COL5A1: variants seen among roughly 807,000 people sequenced by gnomAD.
COL5A1 encodes collagen type V alpha 1 chain.
Under a neutral mutation model 263.7 loss-of-function variants are expected in COL5A1, and 16 were observed. That is an observed-to-expected ratio of 0.06 (90% CI 0.04 to 0.09). The LOEUF is 0.09. Ranked by LOEUF, COL5A1 falls within the 10% of genes least tolerant of loss-of-function variation. The pLI is 1.00. For synonymous variants in COL5A1, 1,012 were observed against 1,004.5 expected, an observed-to-expected ratio of 1.01 and a Z score of -0.14; for missense variants, 2,036 against 2,540.5, an observed-to-expected ratio of 0.80 and a Z score of 4.27.
chr9:134,658,927 G>T (rs1043077909), intron 1 of COL5A1, among the ~76,000 whole-genome samples: 2 of 152,216 alleles, frequency 1.3e-5, no homozygotes, highest in African/African-American at 4.8e-5. Context: ...TTCTCTGCAG[G>T]TGAAGAGTAG....
rs939515098 is a variant in COL5A1, at chr9:134,761,869, A to G, written c.1936-56A>G. ...AGAGAAAAACAAAGTGGGACCTTGG[A>G]CAAGCCCTGCATGACCTGCTCAGGA... On this transcript the variant is annotated intron_variant, in intron 18 of 65. Transcript: ENST00000371817. 1.9e-6 allele frequency: 3 copies of G among 1,556,094 alleles called. No individual in the cohort carries two copies. The African/African-American group carries it at 4.1e-5, about 21-fold the overall frequency.
intron 59 of COL5A1, 120 bp from the exon 60 acceptor site, chr9:134,822,878 T>C (rs908123691): frequency 2.6e-5 from 29 of 1,128,146 alleles, no homozygotes; most frequent in Non-Finnish European, 3.7e-5. Context: ...GCATAGACTC[T>C]TGAGGGGGAT....
At chr9:134,776,579 G>C (rs1253343514) in intron 27 of COL5A1, among the ~76,000 whole-genome samples, 1 of 152,226 alleles carries the variant, frequency 6.6e-6, no homozygotes, top group Admixed American at 6.5e-5. Context: ...TTTGGCCCGG[G>C]TGGCAGTGAT....
chr9:134,837,012 G>A lies in COL5A1; in HGVS notation c.5370+1808G>A, dbSNP rs540338634. 3.3e-5 allele frequency among the ~76,000 whole-genome samples: 5 copies of A among 152,322 alleles called. No individual in the cohort carries two copies. The East Asian group carries it at 5.8e-4, about 18-fold the overall frequency. On this transcript the variant is annotated intron_variant, in intron 65 of 65. Transcript: ENST00000371817. ...GACCTTACCCGTCCTCCCCAAATGA[G>A]TATAACATAGCACCTGCCTCACAGG...
rs1836631304 is a variant in COL5A1, at chr9:134,765,575, C to G, written c.2035-106C>G. On this transcript the variant is annotated intron_variant, in intron 20 of 65. Transcript: ENST00000371817. The surrounding 1 kb of genome is among the most constrained non-coding windows in gnomAD (Gnocchi z 5.1). ...TGGGAGGCCAGGAGGCCTGAGTCAC[C>G]AGCTGGGGTTCTGGGTGGAGTCAGG... 9.9e-7 allele frequency: 1 copy of G among 1,012,968 alleles called. No homozygotes were observed. The highest frequency in any genetic ancestry group is 1.8e-5 in the Admixed American group (1 of 56,250). The allele number at this position is 1,012,968 out of a possible 1,614,324, so 62.7% of individuals were successfully genotyped here.
At position 134,794,773 on chromosome 9, in the gene COL5A1, G is replaced by A. The variant is rs1837834576; in HGVS notation, c.2701-309G>A. On this transcript the variant is annotated intron_variant, in intron 32 of 65. Transcript: ENST00000371817. The surrounding 1 kb of genome is among the most constrained non-coding windows in gnomAD (Gnocchi z 4.3). ...GAGGGGAAGGAGGGAGGAAGGAGGA[G>A]GAGGGATGTAGCGGTGCTCTGAGGA... Among the ~76,000 whole-genome samples, 1 of 152,146 alleles carries A rather than the reference G, an allele frequency of 6.6e-6. No individual in the cohort carries two copies. Among genetic ancestry groups the A allele is most frequent in the Non-Finnish European group, 1.5e-5 (1 of 68,024 alleles).
intron 32 of COL5A1, among the ~76,000 whole-genome samples, chr9:134,792,697 C>T (rs988811558): frequency 7.9e-5 from 12 of 152,170 alleles, no homozygotes; most frequent in African/African-American, 2.7e-4. Context: ...TTAGATATTC[C>T]GGCCAGATGG....
In COL5A1 at chr9:134,671,898, T is replaced by TTTG. The variant is rs1832550102; in HGVS notation, c.110-19012_110-19010dup. Among the ~76,000 whole-genome samples the TTTG allele has an allele frequency of 2.0e-5, 3 of 152,228 alleles. No homozygotes were observed. In the South Asian group the frequency reaches 6.2e-4, roughly 32 times the overall value. Reference sequence around the variant, plus strand: ...AATGAGCCAACAGGCGCGTTTGTCTTTTGTCCACATTCCACAGTTTTGTCT... The same window carrying TTTG: ...AATGAGCCAACAGGCGCGTTTGTCTTTTGTTGTCCACATTCCACAGTTTTGTCT... On this transcript the variant is annotated intron_variant, in intron 1 of 65. Coordinates refer to ENST00000371817, the MANE Select transcript of COL5A1 (RefSeq NM_000093.5).
At chr9:134,764,202 G>T (rs1287819995) in intron 20 of COL5A1, among the ~76,000 whole-genome samples, 5 of 135,964 alleles carry the variant, frequency 3.7e-5, no homozygotes, top group Admixed American at 7.3e-5. Flanking sequence ...TGGGGGGTCT[G>T]AGAGCATTGT....
At position 134,823,496 on chromosome 9, in the gene COL5A1, C is replaced by T. The variant is rs781132017; in HGVS notation, c.4698+27C>T. 39 of 1,612,618 alleles carry T rather than the reference C, an allele frequency of 2.4e-5. 1 individual carries two copies. The highest frequency in any genetic ancestry group is 2.2e-4 in the Admixed American group (13 of 59,994). On this transcript the variant is annotated intron_variant, in intron 61 of 65. Transcript: ENST00000371817. ...TAAGTAGCCCTTGAAGCCCAGAAAG[C>T]GGGACGGGGGCTCTGGCTAGCTCCG... is the stretch of plus-strand genomic sequence containing the variant.
Position 134,842,500 on chromosome 9 carries a change from C to A in COL5A1, c.*197C>A, listed in dbSNP as rs1830137612. The A allele has an allele frequency of 1.5e-6, 1 of 665,374 alleles. No individual in the cohort carries two copies. Among genetic ancestry groups the A allele is most frequent in the Non-Finnish European group, 2.6e-6 (1 of 385,578 alleles). The allele number at this position is 665,374 out of a possible 1,614,324, so 41.2% of individuals were successfully genotyped here. On this transcript the variant is annotated 3_prime_UTR_variant, in exon 66 of 66. Coordinates refer to ENST00000371817, the MANE Select transcript of COL5A1 (RefSeq NM_000093.5). This position sits in a 1 kb window ranked among gnomAD's most constrained non-coding sequence, Gnocchi z 5.8. Reference sequence around the variant, plus strand: ...ACAGAGGGAAGGAGCCGCGCCCCCACCTGGAGCTGAATCACATGACCTAGC... The same window carrying A: ...ACAGAGGGAAGGAGCCGCGCCCCCAACTGGAGCTGAATCACATGACCTAGC...
intron 4 of COL5A1, among the ~76,000 whole-genome samples, chr9:134,702,642 C>T (rs983728942): frequency 6.6e-6 from 1 of 152,222 alleles, no homozygotes; most frequent in South Asian, 2.1e-4. Flanking sequence ...GACCCTGGGG[C>T]TTTGAGCGTG....
At chr9:134,737,671 C>A (rs1361046589) in intron 9 of COL5A1, among the ~76,000 whole-genome samples, 1 of 152,100 alleles carries the variant, frequency 6.6e-6, no homozygotes, top group Admixed American at 6.5e-5. Context: ...GGGAAGGGGT[C>A]GGAAGTGGGG....
intron 24 of COL5A1, among the ~76,000 whole-genome samples, chr9:134,768,137 A>G (rs1056906332): frequency 1.3e-5 from 2 of 152,178 alleles, no homozygotes; most frequent in East Asian, 1.9e-4. Flanking sequence ...GGGCCCCAGT[A>G]TGCAGCAGGT....
chr9:134,836,389 G>A (rs1230498460), intron 65 of COL5A1, among the ~76,000 whole-genome samples: 1 of 152,146 alleles, frequency 6.6e-6, no homozygotes, highest in East Asian at 1.9e-4. Flanking sequence ...GCAGCACCAA[G>A]CCCCGTGACC....
chr9:134,751,195 TGTCACTGTCCAGTAGGGACCCC>T (rs1250688366), intron 13 of COL5A1, among the ~76,000 whole-genome samples: 26 of 151,364 alleles, frequency 1.7e-4, no homozygotes, highest in Admixed American at 3.3e-4. Flanking sequence ...CCCGAGAGCG[TGTCACTGTCCAGTAGGGACCCC>T]GAGAGCGTGT....
intron 2 of COL5A1, 42 bp from the exon 3 acceptor site, chr9:134,699,867 G>T: frequency 6.3e-7 from 1 of 1,597,422 alleles, no homozygotes; most frequent in South Asian, 1.1e-5. Context: ...TGTGGTTGCA[G>T]GGGCTCCCCG....
At chr9:134,828,152 C>A (rs1306880745) in intron 63 of COL5A1, among the ~76,000 whole-genome samples, 4 of 152,180 alleles carry the variant, frequency 2.6e-5, no homozygotes, top group Admixed American at 2.6e-4. Flanking sequence ...GCAGCCGGGG[C>A]TCCCCTTGTC....
In COL5A1 at chr9:134,681,863, C is replaced by T. The variant is rs1832868547; in HGVS notation, c.110-9049C>T. ...TGGGGCCTGCAGAAACCTCCCCTCTCTTCCTCGCTCTTCCTCTCTTTCTCT... is the reference window on the plus strand; with the variant it reads ...TGGGGCCTGCAGAAACCTCCCCTCTTTTCCTCGCTCTTCCTCTCTTTCTCT... On this transcript the variant is annotated intron_variant, in intron 1 of 65. Transcript: ENST00000371817. This position sits in a 1 kb window ranked among gnomAD's most constrained non-coding sequence, Gnocchi z 4.3. 6.6e-6 allele frequency among the ~76,000 whole-genome samples: 1 copy of T among 152,078 alleles called. No individual in the cohort carries two copies. Among genetic ancestry groups the T allele is most frequent in the South Asian group, 2.1e-4 (1 of 4,822 alleles).
Sources: allele counts gnomAD v4.1 joint callset (sites outside exome capture counted in the v4.1 genomes callset), GRCh38; gene constraint gnomAD v4.1.1; non-coding constraint Gnocchi (gnomAD v3.1); transcripts MANE v1.5; gene names NCBI Gene and HGNC (gene_info 2026-07-23, HGNC 2026-07-21).